PTPRG: variants seen among roughly 807,000 people sequenced by gnomAD.
PTPRG encodes the protein receptor-type tyrosine-protein phosphatase gamma.
In PTPRG, 102 loss-of-function variants were observed where a neutral mutation model predicts 165.3. The ratio of observed to expected loss-of-function variants is 0.62; its 90% CI spans 0.53 to 0.73. The LOEUF is 0.73. Among genes scored for constraint, PTPRG ranks in the 30% least tolerant of loss-of-function variants. The pLI, the probability that PTPRG is intolerant of heterozygous loss-of-function variation, is 0.00. For missense variants in PTPRG, 1,866 were observed against 1,861.4 expected (o/e 1.00, Z -0.05); for synonymous variants, 675 against 669.5 (o/e 1.01, Z -0.13).
Position 61,814,516 on chromosome 3 carries a change from T to C in PTPRG, c.190+65534T>C, listed in dbSNP as rs573283609. ...TCAGCTTCTCTCTAGTAGCCCCGTATGTTTTCTGCTTGTTTTTTGTTTGTT... is the reference window on the plus strand; with the variant it reads ...TCAGCTTCTCTCTAGTAGCCCCGTACGTTTTCTGCTTGTTTTTTGTTTGTT... On this transcript the variant is annotated intron_variant, in intron 2 of 29. Coordinates refer to ENST00000474889, the MANE Select transcript of PTPRG (RefSeq NM_002841.4). Among the ~76,000 whole-genome samples, 23 of 152,122 alleles carry C rather than the reference T, an allele frequency of 1.5e-4. No homozygotes were observed. The South Asian group carries it at 4.6e-3, about 30-fold the overall frequency.
chr3:61,846,377 T>C (rs1048209302), intron 2 of PTPRG, among the ~76,000 whole-genome samples: 1 of 152,124 alleles, frequency 6.6e-6, no homozygotes, highest in Admixed American at 6.6e-5. Context: ...TGGTTTCTTA[T>C]TTAAATTGTA....
chr3:61,833,194 G>C (rs1339420654), intron 2 of PTPRG, among the ~76,000 whole-genome samples: 1 of 152,084 alleles, frequency 6.6e-6, no homozygotes, highest in Non-Finnish European at 1.5e-5. Flanking sequence ...GGTGCAGGTA[G>C]AGTCTCCTGA....
chr3:61,587,346 C>G (rs978182324), intron 1 of PTPRG, among the ~76,000 whole-genome samples: 1 of 152,086 alleles, frequency 6.6e-6, no homozygotes, highest in African/African-American at 2.4e-5. Context: ...TTAAGTTGAT[C>G]ACATTTGTTT....
chr3:62,007,414 C>T (rs1420428429), intron 4 of PTPRG, among the ~76,000 whole-genome samples: 3 of 152,182 alleles, frequency 2.0e-5, no homozygotes, highest in Non-Finnish European at 4.4e-5. Flanking sequence ...CTTCAATAAC[C>T]AGTGTTCTTT....
At chr3:62,166,217 TTTTTTTTTTTTTTTTTG>T (rs1704974906) in intron 7 of PTPRG, among the ~76,000 whole-genome samples, 4 of 144,152 alleles carry the variant, frequency 2.8e-5, no homozygotes, top group Admixed American at 7.0e-5. Flanking sequence ...TTTTTTTTTT[TTTTTTTTTTTTTTTTTG>T]GTGACAAGAA....
chr3:61,901,899 G>T lies in PTPRG; in HGVS notation c.191-87726G>T, dbSNP rs74749219. Among the ~76,000 whole-genome samples, 79 of 152,280 alleles carry T rather than the reference G, an allele frequency of 5.2e-4. 1 individual carries two copies. The East Asian group carries it at 6.9e-3, about 13-fold the overall frequency. On this transcript the variant is annotated intron_variant, in intron 2 of 29. Transcript: ENST00000474889. ...GTAAAAGAAACCTCTTTAATAAAAA[G>T]GATGTTTTAAAATGATATTACCTGA...
intron 1 of PTPRG, among the ~76,000 whole-genome samples, chr3:61,685,567 G>C (rs556842718): frequency 6.6e-6 from 1 of 152,306 alleles, no homozygotes; most frequent in South Asian, 2.1e-4. Flanking sequence ...CTGACTCCTT[G>C]CAGCCCTTGG....
chr3:62,132,189 A>G (rs528352436), intron 5 of PTPRG, among the ~76,000 whole-genome samples: 1 of 152,320 alleles, frequency 6.6e-6, no homozygotes, highest in African/African-American at 2.4e-5. Context: ...AAACAGATTC[A>G]TTTTCTAAAA....
intron 2 of PTPRG, among the ~76,000 whole-genome samples, chr3:61,823,562 T>G (rs925876138): frequency 1.1e-5 from 1 of 87,528 alleles, no homozygotes; most frequent in Non-Finnish European, 2.9e-5. Flanking sequence ...TGTTATGCAT[T>G]TTGGGTGTAA....
At chr3:61,621,049 A>ATGTGTGTG (rs759319362) in intron 1 of PTPRG, among the ~76,000 whole-genome samples, 76 of 104,302 alleles carry the variant, frequency 7.3e-4, no homozygotes, top group Middle Eastern at 4.6e-3. Flanking sequence ...ATATATATAT[A>ATGTGTGTG]TATGTGTGTG....
intron 2 of PTPRG, among the ~76,000 whole-genome samples, chr3:61,897,232 A>T (rs1274512709): frequency 6.6e-6 from 1 of 152,042 alleles, no homozygotes; most frequent in African/African-American, 2.4e-5. Context: ...TTACAATTGA[A>T]ATTTAAATAG....
At chr3:61,631,264 T>A (rs1701768476) in intron 1 of PTPRG, among the ~76,000 whole-genome samples, 1 of 152,184 alleles carries the variant, frequency 6.6e-6, no homozygotes, top group Non-Finnish European at 1.5e-5. Context: ...CTACCTGATC[T>A]GTTAAATTTA....
chr3:62,030,152 T>C (rs968573047), intron 4 of PTPRG, among the ~76,000 whole-genome samples: 2 of 152,132 alleles, frequency 1.3e-5, no homozygotes, highest in African/African-American at 4.8e-5. Context: ...GATAGGTGTT[T>C]TACATATACA....
intron 12 of PTPRG, among the ~76,000 whole-genome samples, chr3:62,212,712 G>GGA (rs1373621182): frequency 2.0e-5 from 3 of 152,174 alleles, no homozygotes; most frequent in African/African-American, 7.2e-5. Context: ...CTGTCTGAAG[G>GGA]GAGTGTGCCG....
intron 2 of PTPRG, among the ~76,000 whole-genome samples, chr3:61,790,589 A>G (rs1295104074): frequency 6.6e-6 from 1 of 152,222 alleles, no homozygotes; most frequent in African/African-American, 2.4e-5. Flanking sequence ...TTATAGATGT[A>G]TACTTTCCCT....
chr3:62,283,327 C>T (rs1312053927), intron 28 of PTPRG, among the ~76,000 whole-genome samples: 1 of 151,998 alleles, frequency 6.6e-6, no homozygotes, highest in East Asian at 1.9e-4. Context: ...ATTTAAAGTT[C>T]ATGATGTGTT....
At position 61,696,657 on chromosome 3, in the gene PTPRG, C is replaced by T. The variant is rs1471511781; in HGVS notation, c.86-52221C>T. 2.0e-5 allele frequency among the ~76,000 whole-genome samples: 3 copies of T among 152,192 alleles called. No homozygotes were observed. In the East Asian group the frequency reaches 5.8e-4, roughly 29 times the overall value. On this transcript the variant is annotated intron_variant, in intron 1 of 29. Coordinates refer to ENST00000474889, the MANE Select transcript of PTPRG (RefSeq NM_002841.4). ...GGCTGGGTACTTCAGTGGGTAGGTG[C>T]ATGGAGGAGCAGGTAACCGGATCTG... is the stretch of plus-strand genomic sequence containing the variant.
intron 2 of PTPRG, among the ~76,000 whole-genome samples, chr3:61,861,323 C>T (rs1337808275): frequency 6.6e-6 from 1 of 152,108 alleles, no homozygotes; most frequent in Non-Finnish European, 1.5e-5. Flanking sequence ...AAAATTGGCA[C>T]AGTCACTGCT....
intron 2 of PTPRG, among the ~76,000 whole-genome samples, chr3:61,863,790 G>T (rs189776338): frequency 6.6e-6 from 1 of 152,252 alleles, no homozygotes; most frequent in Non-Finnish European, 1.5e-5. Context: ...GCTGGTCAAA[G>T]GTAAGGCCAC....
Sources: allele counts gnomAD v4.1 joint callset (sites outside exome capture counted in the v4.1 genomes callset), GRCh38; gene constraint gnomAD v4.1.1; transcripts MANE v1.5; gene names NCBI Gene and HGNC (gene_info 2026-07-23, HGNC 2026-07-21).